Variants in DHRSX observed in about 807,000 individuals in gnomAD.
DHRSX encodes the protein dehydrogenase/reductase X-linked.
DHRSX carries 31 observed loss-of-function variants against 34.0 expected under a neutral mutation model. The ratio of observed to expected loss-of-function variants is 0.91; its 90% CI spans 0.69 to 1.23. The LOEUF (loss-of-function observed/expected upper bound fraction) is 1.23. Ranked by LOEUF, DHRSX falls within the 50% of genes most tolerant of loss-of-function variation. The pLI, the probability that DHRSX is intolerant of heterozygous loss-of-function variation, is 0.00. For missense variants in DHRSX, 414 were observed against 428.1 expected (o/e 0.97, Z 0.29); for synonymous variants, 201 against 183.8 (o/e 1.09, Z -0.76).
At chrX:2,294,673 A>G (rs984580709) in intron 3 of DHRSX, among the ~76,000 whole-genome samples, 1 of 151,460 alleles carries the variant, frequency 6.6e-6, no homozygotes, top group African/African-American at 2.4e-5. Context: ...TCAAAAAAAA[A>G]AAAAGAGACA....
intron 2 of DHRSX, among the ~76,000 whole-genome samples, chrX:2,411,747 C>G (rs1354332103): frequency 1.1e-5 from 1 of 95,220 alleles, no homozygotes; most frequent in Admixed American, 1.3e-4. Context: ...CAAAACAAAA[C>G]AAAACAAAAA....
At chrX:2,271,044 C>T (rs1458544406) in intron 4 of DHRSX, among the ~76,000 whole-genome samples, 1 of 152,176 alleles carries the variant, frequency 6.6e-6, no homozygotes, top group Non-Finnish European at 1.5e-5. Context: ...GCTTGTGTCC[C>T]CTTCCACGTT....
At chrX:2,469,100 C>A (rs2044546788) in intron 1 of DHRSX, among the ~76,000 whole-genome samples, 1 of 151,742 alleles carries the variant, frequency 6.6e-6, no homozygotes, top group Non-Finnish European at 1.5e-5. Context: ...GGGACCACTG[C>A]CATGTACACA....
chrX:2,399,220 A>G (rs1279027573), intron 3 of DHRSX, among the ~76,000 whole-genome samples: 5 of 152,136 alleles, frequency 3.3e-5, no homozygotes, highest in African/African-American at 9.7e-5. Context: ...TGGGACATCT[A>G]TGCCCACGCA....
At chrX:2,423,485 A>C (rs5982793) in intron 2 of DHRSX, among the ~76,000 whole-genome samples, 4 of 151,774 alleles carry the variant, frequency 2.6e-5, no homozygotes, top group Non-Finnish European at 4.4e-5. Flanking sequence ...TCAGCGACTC[A>C]TGAGGCTGAG....
chrX:2,243,791 T>A lies in DHRSX; in HGVS notation c.597-561A>T, dbSNP rs1451364153. The stretch of plus-strand genomic sequence containing the variant: ...GGCAGGAGCCACTATGCTCCCTGTT[T>A]TTTTTTTTTTTTTTTTTTTTTTTTT... On this transcript the variant is annotated intron_variant, in intron 5 of 6. Transcript: ENST00000334651. Among the ~76,000 whole-genome samples the A allele has an allele frequency of 4.1e-3, 118 of 29,114 alleles. 1 individual carries two copies. Among genetic ancestry groups the A allele is most frequent in the African/African-American group, 0.026 (92 of 3,592 alleles). 19.1% of individuals were successfully genotyped at this position (29,114 alleles called of 152,430 possible). A position where few individuals can be genotyped will look rare whatever the true frequency, so the allele number is the denominator to read the frequency against.
At chrX:2,307,951 G>A (rs137911827) in intron 3 of DHRSX, among the ~76,000 whole-genome samples, 1 of 152,024 alleles carries the variant, frequency 6.6e-6, no homozygotes, top group African/African-American at 2.4e-5. Flanking sequence ...TAGGAGCTGC[G>A]TCCCTTTCCC....
chrX:2,477,164 CT>C (rs1402994427), intron 1 of DHRSX, among the ~76,000 whole-genome samples: 2 of 152,130 alleles, frequency 1.3e-5, no homozygotes. Flanking sequence ...AATGTAGAAG[CT>C]GTTTCCCTGC....
intron 2 of DHRSX, among the ~76,000 whole-genome samples, chrX:2,409,551 T>C (rs1290261023): frequency 6.6e-6 from 1 of 152,100 alleles, no homozygotes; most frequent in Non-Finnish European, 1.5e-5. Context: ...CTGCGTTAGT[T>C]GGCTGTGTGC....
chrX:2,361,539 T>C (rs902733652), intron 3 of DHRSX, among the ~76,000 whole-genome samples: 4 of 152,230 alleles, frequency 2.6e-5, no homozygotes, highest in Non-Finnish European at 4.4e-5. Context: ...TGAGGTTCTT[T>C]GAAACCCCTC....
chrX:2,381,242 A>G (rs2043198697), intron 3 of DHRSX, among the ~76,000 whole-genome samples: 1 of 152,326 alleles, frequency 6.6e-6, no homozygotes, highest in African/African-American at 2.4e-5. Context: ...TGATGAGGTC[A>G]TGAGGGTGGG....
At chrX:2,357,667 G>C (rs2042872974) in intron 3 of DHRSX, among the ~76,000 whole-genome samples, 1 of 142,078 alleles carries the variant, frequency 7.0e-6, no homozygotes, top group Admixed American at 7.2e-5. Context: ...GGGAAAACGA[G>C]ATTTGTCTCA....
Position 2,307,244 on chromosome X carries a change from A to T in DHRSX, c.287-15641T>A, listed in dbSNP as rs1203062287. ...TTAAATACCACTTGTTCTCAATTAT[A>T]CATAGGAGCTAAACATTGAATAATC... is the stretch of plus-strand genomic sequence containing the variant. On this transcript the variant is annotated intron_variant, in intron 3 of 6. Transcript: ENST00000334651. Among the ~76,000 whole-genome samples the T allele has an allele frequency of 4.7e-4, 71 of 152,288 alleles. 1 individual carries two copies. The highest frequency in any genetic ancestry group is 2.2e-4 in the Non-Finnish European group (15 of 68,030).
chrX:2,347,698 T>C (rs1016454913), intron 3 of DHRSX, among the ~76,000 whole-genome samples: 1 of 152,106 alleles, frequency 6.6e-6, no homozygotes, highest in Non-Finnish European at 1.5e-5. Context: ...TCTAAATAAA[T>C]AAATAAGATT....
chrX:2,276,654 C>T (rs758587666), intron 4 of DHRSX, among the ~76,000 whole-genome samples: 6 of 151,472 alleles, frequency 4.0e-5, no homozygotes, highest in South Asian at 4.2e-4. Context: ...GTATCCTGAA[C>T]GGGAGGAGAA....
rs1345397168 is a variant in DHRSX, at chrX:2,250,926, C to A, written c.597-7696G>T. On this transcript the variant is annotated intron_variant, in intron 5 of 6. Coordinates refer to ENST00000334651, the MANE Select transcript of DHRSX (RefSeq NM_145177.3). The stretch of plus-strand genomic sequence containing the variant: ...GAGCAATTTTCCCACCTTCATGTAA[C>A]CAAAGACAGAGTGGATCACAGAGCT... Among the ~76,000 whole-genome samples the A allele has an allele frequency of 2.0e-5, 3 of 152,162 alleles. No homozygotes were observed. In the East Asian group the frequency reaches 5.8e-4, roughly 29 times the overall value.
At chrX:2,273,433 A>G (rs537859682) in intron 4 of DHRSX, among the ~76,000 whole-genome samples, 7 of 152,294 alleles carry the variant, frequency 4.6e-5, no homozygotes, top group African/African-American at 1.7e-4. Context: ...TTCTACGTGG[A>G]GTCACTCAAG....
intron 1 of DHRSX, among the ~76,000 whole-genome samples, chrX:2,453,492 C>G (rs1326602503): frequency 1.3e-5 from 2 of 151,484 alleles, no homozygotes; most frequent in Admixed American, 6.6e-5. Context: ...AGCAACATAG[C>G]AAGACACCAT....
chrX:2,267,010 T>C lies in DHRSX; in HGVS notation c.389-63A>G, dbSNP rs750126774. The stretch of plus-strand genomic sequence containing the variant: ...GAAGACAGTGGAGAAATCTCACAGA[T>C]GGATTCCCCAGATGCGCAAATGGCC... On this transcript the variant is annotated intron_variant, in intron 4 of 6. Coordinates refer to ENST00000334651, the MANE Select transcript of DHRSX (RefSeq NM_145177.3). The C allele has an allele frequency of 2.6e-6, 4 of 1,557,962 alleles. No individual in the cohort carries two copies. The African/African-American group carries it at 5.4e-5, about 21-fold the overall frequency.
Sources: allele counts gnomAD v4.1 joint callset (sites outside exome capture counted in the v4.1 genomes callset), GRCh38; gene constraint gnomAD v4.1.1; transcripts MANE v1.5; gene names NCBI Gene and HGNC (gene_info 2026-07-23, HGNC 2026-07-21).